CUL2: variants seen among roughly 807,000 people sequenced by gnomAD.
CUL2 encodes cullin 2, also known as cullin-2.
In CUL2, 22 loss-of-function variants were observed where a neutral mutation model predicts 110.2. The observed-to-expected ratio is 0.20, with a 90% CI of 0.14 to 0.28. The LOEUF (loss-of-function observed/expected upper bound fraction) is 0.28. CUL2 is among the 10% of genes least tolerant of loss of function. The pLI is 1.00. For missense variants in CUL2, 631 were observed against 905.5 expected (o/e 0.70, Z 3.89); for synonymous variants, 279 against 293.2 (o/e 0.95, Z 0.49).
intron 1 of CUL2, among the ~76,000 whole-genome samples, chr10:35,105,223 A>G (rs2087437811): frequency 6.6e-6 from 1 of 150,506 alleles, no homozygotes; most frequent in South Asian, 2.1e-4. Context: ...CAGGAAATCG[A>G]GACCATCCTG....
intron 6 of CUL2, 108 bp from the exon 7 acceptor site, chr10:35,044,976 T>A: frequency 2.9e-6 from 2 of 701,592 alleles, no homozygotes; most frequent in Non-Finnish European, 4.9e-6. Flanking sequence ...CTAATCAAAG[T>A]GTAAAGAACT....
intron 11 of CUL2, 51 bp from the exon 12 acceptor site, chr10:35,032,545 C>T: frequency 1.4e-6 from 2 of 1,418,340 alleles, no homozygotes; most frequent in Non-Finnish European, 1.9e-6. Context: ...GGAAAAAGTA[C>T]AGCTAGTTCA....
At chr10:35,105,708 A>G (rs764358407) in intron 1 of CUL2, among the ~76,000 whole-genome samples, 1 of 98,322 alleles carries the variant, frequency 1.0e-5, no homozygotes, top group Non-Finnish European at 2.3e-5. Context: ...ACTCTGTCTC[A>G]AAAAAAAAAA....
In CUL2 at chr10:35,055,393, A is replaced by C. The variant is rs565714710; in HGVS notation, c.318-854T>G. 2.4e-4 allele frequency among the ~76,000 whole-genome samples: 37 copies of C among 152,340 alleles called. No homozygotes were observed. The South Asian group carries it at 6.4e-3, about 26-fold the overall frequency. On this transcript the variant is annotated intron_variant, in intron 4 of 20. Coordinates refer to ENST00000374749, the MANE Select transcript of CUL2 (RefSeq NM_003591.4). ...ACTCAGCATTTACAGACAAATTAAA[A>C]ACGAAGACAACCAAAACAAGACAAC... is the stretch of plus-strand genomic sequence containing the variant.
chr10:35,066,597 C>A (rs1305381843), intron 2 of CUL2, among the ~76,000 whole-genome samples: 1 of 152,196 alleles, frequency 6.6e-6, no homozygotes, highest in East Asian at 1.9e-4. Context: ...CTGCGCCCCG[C>A]CAGATTTGCT....
intron 1 of CUL2, among the ~76,000 whole-genome samples, chr10:35,113,181 C>CAAAAAAA (rs71660665): frequency 4.1e-4 from 15 of 36,610 alleles, no homozygotes; most frequent in South Asian, 1.5e-3. Context: ...GACTCCATCT[C>CAAAAAAA]AAAAAAAAAA....
At chr10:35,032,546 A>G in intron 11 of CUL2, 52 bp from the exon 12 acceptor site, 1 of 1,413,534 alleles carries the variant, frequency 7.1e-7, no homozygotes, top group Non-Finnish European at 9.7e-7. Flanking sequence ...GAAAAAGTAC[A>G]GCTAGTTCAA....
intron 14 of CUL2, among the ~76,000 whole-genome samples, chr10:35,030,569 G>C (rs770206558): frequency 6.6e-6 from 1 of 152,124 alleles, no homozygotes; most frequent in Non-Finnish European, 1.5e-5. Context: ...TTTTGGTAGA[G>C]ACAGGGTTTT....
At chr10:35,086,828 T>C (rs2087077269) in intron 1 of CUL2, among the ~76,000 whole-genome samples, 1 of 152,336 alleles carries the variant, frequency 6.6e-6, no homozygotes, top group South Asian at 2.1e-4. Context: ...TGTGTTCTCA[T>C]CCTATTTCAT....
intron 6 of CUL2, among the ~76,000 whole-genome samples, chr10:35,046,891 TCAAAA>T (rs59042466): frequency 0.046 from 6,926 of 149,906 alleles, 404 homozygotes; most frequent in African/African-American, 0.14. Flanking sequence ...AGACTCTGTC[TCAAAA>T]CAAAACAAAA....
chr10:35,125,002 A>G (rs2087726457), intron 1 of CUL2, among the ~76,000 whole-genome samples: 2 of 152,238 alleles, frequency 1.3e-5, no homozygotes, highest in African/African-American at 4.8e-5. Flanking sequence ...TAACGTAAAC[A>G]TGAGTAGGTT....
rs184929742 is a variant in CUL2, at chr10:35,085,381, G to C, written c.-23+4798C>G. 4.0e-4 allele frequency among the ~76,000 whole-genome samples: 60 copies of C among 151,754 alleles called. 1 individual carries two copies. Among genetic ancestry groups the C allele is most frequent in the African/African-American group, 1.2e-3 (50 of 41,392 alleles). On this transcript the variant is annotated intron_variant, in intron 1 of 20. Coordinates refer to ENST00000374749, the MANE Select transcript of CUL2 (RefSeq NM_003591.4). ...GGAGGCAGAGCTTGCAGTGAGCTGAGATCGCGCCACTGCGCTCCAGCCTGG... is the reference window on the plus strand; with the variant it reads ...GGAGGCAGAGCTTGCAGTGAGCTGACATCGCGCCACTGCGCTCCAGCCTGG...
chr10:35,091,295 TCCCTTCCTTCCAAACTGCACGAA>T (rs1176931533), upstream of CUL2, among the ~76,000 whole-genome samples: 1 of 152,124 alleles, frequency 6.6e-6, no homozygotes, highest in Non-Finnish European at 1.5e-5. Flanking sequence ...TTCCCTCCCA[TCCCTTCCTTCCAAACTGCACGAA>T]CCCTTCAAGG....
chr10:35,032,307 A>G, intron 12 of CUL2, 128 bp downstream of exon 12: 1 of 742,852 alleles, frequency 1.3e-6, no homozygotes, highest in Non-Finnish European at 2.2e-6. Flanking sequence ...AACTATATAC[A>G]ATGTAGATAA....
At chr10:35,097,784 C>G (rs1389775472) in intron 2 of CUL2, among the ~76,000 whole-genome samples, 1 of 151,926 alleles carries the variant, frequency 6.6e-6, no homozygotes, top group Non-Finnish European at 1.5e-5. Flanking sequence ...TACAGCAAGA[C>G]CCCATCTTTA....
chr10:35,065,496 GTA>G (rs1773896055), intron 2 of CUL2, among the ~76,000 whole-genome samples: 2 of 152,280 alleles, frequency 1.3e-5, no homozygotes, highest in African/African-American at 4.8e-5. Flanking sequence ...ACAGGTGCCT[GTA>G]GTCCCAGCCA....
At chr10:35,044,911 T>C (rs1382661070) in intron 6 of CUL2, 43 bp from the exon 7 acceptor site, 1 of 1,478,190 alleles carries the variant, frequency 6.8e-7, no homozygotes, top group Non-Finnish European at 9.4e-7. Context: ...GAATACAAAT[T>C]ATCTATGGAA....
chr10:35,071,354 A>G lies in CUL2; in HGVS notation c.-22-15T>C. ...AGTGTTGAAATCTGTCAATTAAAAA[A>G]CAATAACAATGTTAGCAATAATTCC... On this transcript the variant is annotated splice_polypyrimidine_tract_variant and intron_variant, in intron 1 of 20. Coordinates refer to ENST00000374749, the MANE Select transcript of CUL2 (RefSeq NM_003591.4). 6.3e-7 allele frequency: 1 copy of G among 1,593,434 alleles called. No individual in the cohort carries two copies. Among genetic ancestry groups the G allele is most frequent in the Non-Finnish European group, 8.6e-7 (1 of 1,165,296 alleles).
intron 4 of CUL2, among the ~76,000 whole-genome samples, chr10:35,056,665 T>C (rs1258265789): frequency 6.6e-6 from 1 of 152,220 alleles, no homozygotes; most frequent in Non-Finnish European, 1.5e-5. Flanking sequence ...GAGCTCACTC[T>C]GTGGTACAAT....
Sources: allele counts gnomAD v4.1 joint callset (sites outside exome capture counted in the v4.1 genomes callset), GRCh38; gene constraint gnomAD v4.1.1; transcripts MANE v1.5; gene names NCBI Gene and HGNC (gene_info 2026-07-23, HGNC 2026-07-21).